The following MLPH variants were observed in gnomAD, a reference collection of about 807,000 sequenced individuals.
MLPH encodes the protein melanophilin.
MLPH carries 51 observed loss-of-function variants against 72.1 expected under a neutral mutation model. The observed-to-expected ratio is 0.71, with a 90% CI of 0.56 to 0.89. MLPH has a LOEUF of 0.89. Ranked by LOEUF, MLPH falls within the 40% of genes least tolerant of loss-of-function variation. The pLI is 0.00. For missense variants in MLPH, 743 were observed against 759.9 expected (o/e 0.98, Z 0.26); for synonymous variants, 301 against 310.1 (o/e 0.97, Z 0.31).
At chr2:237,515,897 C>T (rs979089030) in intron 4 of MLPH, among the ~76,000 whole-genome samples, 1 of 152,198 alleles carries the variant, frequency 6.6e-6, no homozygotes, top group Non-Finnish European at 1.5e-5. Context: ...TCACTCACTG[C>T]GAGCCGAGCC....
Position 237,540,459 on chromosome 2 carries a change from G to A in MLPH, c.1216G>A (p.Glu406Lys). 1 of 1,612,926 alleles carries A rather than the reference G, an allele frequency of 6.2e-7. No individual in the cohort carries two copies. The highest frequency in any genetic ancestry group is 8.5e-7 in the Non-Finnish European group (1 of 1,179,468). Residue 406 changes from glutamate to lysine, a missense_variant, in exon 10 of 16, where the codon GAG (glutamate) becomes AAG (lysine). By Grantham distance (56) the Glu-to-Lys change is moderately conservative (BLOSUM62 1). Coordinates refer to ENST00000264605, the MANE Select transcript of MLPH (RefSeq NM_024101.7). ...TGACCAGGAGACCTCGTCCGAGGAG[G>A]AGGAAGCCAAGGACGAAAAGGCAGA... The part of the protein sequence containing the change: ...VSDQETSSEE[E>K]EAKDEKAEPN...
In MLPH at chr2:237,532,989, T is replaced by C. The variant is rs181388698; in HGVS notation, c.1021-1575T>C. On this transcript the variant is annotated intron_variant, in intron 8 of 15. Transcript: ENST00000264605. ...GCAGGCCCGGCCCATTCCACACAGT[T>C]CTCAGCACAAACCATCACCAGTCCT... 2.6e-5 allele frequency among the ~76,000 whole-genome samples: 4 copies of C among 152,254 alleles called. No homozygotes were observed. In the East Asian group the frequency reaches 7.7e-4, roughly 29 times the overall value.
Position 237,554,900 on chromosome 2 carries a change from C to T in MLPH, c.*1308C>T, listed in dbSNP as rs2081099259. ...CACATTAGCAGCTGTTTCTCTGACT[C>T]CTTGTGGCATCAGATAAAAACGTGG... On this transcript the variant is annotated 3_prime_UTR_variant, in exon 16 of 16. Coordinates refer to ENST00000264605, the MANE Select transcript of MLPH (RefSeq NM_024101.7). 6.6e-6 allele frequency: 1 copy of T among 152,322 alleles called. No homozygotes were observed. The highest frequency in any genetic ancestry group is 1.9e-4 in the East Asian group (1 of 5,190). 9.4% of individuals were successfully genotyped at this position (152,322 alleles called of 1,614,324 possible). A position where few individuals can be genotyped will look rare whatever the true frequency, so the allele number is the denominator to read the frequency against.
intron 2 of MLPH, among the ~76,000 whole-genome samples, chr2:237,507,062 CTTTT>C (rs61091364): frequency 2.4e-3 from 229 of 94,520 alleles, no homozygotes; most frequent in African/African-American, 9.9e-3. Context: ...TTTTTTTTTT[CTTTT>C]TTTTTTTTTT....
intron 2 of MLPH, among the ~76,000 whole-genome samples, chr2:237,495,922 C>T (rs1231360872): frequency 6.6e-6 from 1 of 152,198 alleles, no homozygotes; most frequent in Admixed American, 6.5e-5. Context: ...GGGCCCCGTC[C>T]TCACCCCTCC....
At chr2:237,534,410 C>T (rs2106360856) in intron 8 of MLPH, among the ~76,000 whole-genome samples, 154 bp from the exon 9 acceptor site, 1 of 152,282 alleles carries the variant, frequency 6.6e-6, no homozygotes, top group Middle Eastern at 3.4e-3. Flanking sequence ...AAATGGGTTT[C>T]ACAATTAACC....
chr2:237,537,772 C>T (rs1032022652), intron 9 of MLPH: 2 of 152,210 alleles, frequency 1.3e-5, no homozygotes, highest in Non-Finnish European at 2.9e-5. Flanking sequence ...CCCAGGGGCG[C>T]CGTGGGCTGT....
At chr2:237,518,055 C>T in intron 4 of MLPH, 1 of 232,130 alleles carries the variant, frequency 4.3e-6, no homozygotes, top group African/African-American at 2.5e-5. Flanking sequence ...AGTGGATGAG[C>T]CACTGATTGA....
intron 2 of MLPH, among the ~76,000 whole-genome samples, chr2:237,503,034 G>T (rs10195906): frequency 6.6e-6 from 1 of 152,054 alleles, no homozygotes; most frequent in Non-Finnish European, 1.5e-5. Flanking sequence ...CAGGAGAATC[G>T]CTTGAACCCG....
chr2:237,552,015 G>T, intron 14 of MLPH: 1 of 217,356 alleles, frequency 4.6e-6, no homozygotes, highest in Non-Finnish European at 9.0e-6. Context: ...AGAAAAGAAA[G>T]TCAAGGAAAT....
chr2:237,531,574 C>G (rs1280973186), intron 8 of MLPH, among the ~76,000 whole-genome samples: 2 of 152,166 alleles, frequency 1.3e-5, no homozygotes, highest in Non-Finnish European at 2.9e-5. Flanking sequence ...ACCAATTATC[C>G]TTTATACCTG....
intron 4 of MLPH, chr2:237,511,429 T>C: frequency 2.8e-6 from 1 of 358,272 alleles, no homozygotes. Flanking sequence ...CTCCTTTTTA[T>C]GTGAGGTGCA....
intron 2 of MLPH, among the ~76,000 whole-genome samples, chr2:237,501,413 C>T (rs1432960297): frequency 7.2e-6 from 1 of 138,056 alleles, no homozygotes; most frequent in African/African-American, 3.4e-5. Context: ...TAAATGTTTA[C>T]TTTTAGCATT....
chr2:237,507,122 A>G (rs930733392), intron 2 of MLPH: 4 of 124,706 alleles, frequency 3.2e-5, no homozygotes, highest in African/African-American at 1.3e-4. Flanking sequence ...GATGGAGTGC[A>G]GTAGCGTAAT....
At chr2:237,493,596 C>A (rs942292682) in intron 2 of MLPH, 60 bp downstream of exon 2, 2 of 1,309,568 alleles carry the variant, frequency 1.5e-6, no homozygotes, top group Non-Finnish European at 1.1e-6. Context: ...CCAGGGCCAT[C>A]ATATGGGTGC....
chr2:237,508,602 C>A (rs181613004), intron 2 of MLPH, among the ~76,000 whole-genome samples: 2 of 152,186 alleles, frequency 1.3e-5, no homozygotes, highest in South Asian at 2.1e-4. Context: ...GACTCACCCC[C>A]CTAAAGGATC....
intron 4 of MLPH, among the ~76,000 whole-genome samples, chr2:237,516,912 GT>G (rs1559350458): frequency 0.034 from 4,359 of 128,508 alleles, 249 homozygotes; most frequent in African/African-American, 0.16. Flanking sequence ...TGGATGGATG[GT>G]AGGATGGATG....
At chr2:237,509,068 C>T (rs2079836168) in intron 2 of MLPH, among the ~76,000 whole-genome samples, 1 of 152,198 alleles carries the variant, frequency 6.6e-6, no homozygotes, top group Admixed American at 6.5e-5. Flanking sequence ...ATCGGAAGCT[C>T]CGGGTCTTGT....
intron 9 of MLPH, 35 bp downstream of exon 9, chr2:237,534,682 C>A: frequency 6.5e-7 from 1 of 1,530,140 alleles, no homozygotes; most frequent in South Asian, 1.1e-5. Flanking sequence ...GAAAGGGCCC[C>A]CACAGCTCCT....
Sources: gnomAD v4.1 joint callset for allele counts (sites outside exome capture counted in the v4.1 genomes callset) on GRCh38, gnomAD v4.1.1 for gene constraint, MANE v1.5 for transcripts, NCBI Gene and HGNC (gene_info 2026-07-23, HGNC 2026-07-21) for gene names.